The following ADAMTS17 variants were observed in gnomAD, a reference collection of about 807,000 sequenced individuals.
The protein encoded by ADAMTS17 is A disintegrin and metalloproteinase with thrombospondin motifs 17.
ADAMTS17 carries 113 observed loss-of-function variants against 141.5 expected under a neutral mutation model. The ratio of observed to expected loss-of-function variants is 0.80; its 90% confidence interval spans 0.69 to 0.93. The LOEUF (loss-of-function observed/expected upper bound fraction) is 0.93, where lower values mean the gene tolerates loss of function less well. ADAMTS17 is among the 40% of genes least tolerant of loss of function. The pLI is 0.00. For missense variants in ADAMTS17, 1,659 were observed against 1,517.9 expected (o/e 1.09, Z -1.54); for synonymous variants, 768 against 630.6 (o/e 1.22, Z -3.27).
At chr15:100,131,922 A>G in intron 12 of ADAMTS17, 85 bp downstream of exon 12, 1 of 1,599,844 alleles carries the variant, frequency 6.3e-7, no homozygotes, top group Non-Finnish European at 8.6e-7. Context: ...CGGGAGACAG[A>G]CCCTGCTTTG....
intron 18 of ADAMTS17, among the ~76,000 whole-genome samples, chr15:100,007,213 G>C (rs1188666637): frequency 1.3e-5 from 2 of 152,228 alleles, no homozygotes; most frequent in South Asian, 2.1e-4. Context: ...TCAGCATTCA[G>C]ACGGAGGGAG....
chr15:99,990,404 A>G (rs956606785), intron 20 of ADAMTS17, among the ~76,000 whole-genome samples: 3 of 152,298 alleles, frequency 2.0e-5, no homozygotes, highest in East Asian at 1.9e-4. Context: ...ACATCCTGGC[A>G]GCTCCATACT....
Position 99,972,427 on chromosome 15 carries a change from A to C in ADAMTS17, c.*1975T>G, listed in dbSNP as rs572877805. 1.3e-5 allele frequency: 2 copies of C among 152,154 alleles called. No homozygotes were observed. The highest frequency in any genetic ancestry group is 2.4e-5 in the African/African-American group (1 of 41,414). The allele number at this position is 152,154 out of a possible 1,614,324, so 9.4% of individuals were successfully genotyped here. Reference sequence around the variant, plus strand: ...GGAGGCCCCGGGGCCCATGCAGGAGACCAAGCTAAGGCTTCCTTAGTGAGC... The same window carrying C: ...GGAGGCCCCGGGGCCCATGCAGGAGCCCAAGCTAAGGCTTCCTTAGTGAGC... On this transcript the variant is annotated 3_prime_UTR_variant, in exon 22 of 22. Coordinates refer to ENST00000268070, the MANE Select transcript of ADAMTS17 (RefSeq NM_139057.4).
chr15:100,088,427 A>C (rs1303701080), intron 15 of ADAMTS17, among the ~76,000 whole-genome samples: 2 of 152,238 alleles, frequency 1.3e-5, no homozygotes, highest in African/African-American at 4.8e-5. Flanking sequence ...GGTAATTTAT[A>C]GATTCAATGA....
At chr15:100,021,634 G>A (rs2573685) in intron 18 of ADAMTS17, among the ~76,000 whole-genome samples, 16,519 of 152,174 alleles carry the variant, frequency 0.11, 2,380 homozygotes, top group African/African-American at 0.33. Context: ...TTACTCATTC[G>A]TTCAGTCCAC....
intron 3 of ADAMTS17, among the ~76,000 whole-genome samples, chr15:100,324,763 A>G (rs1327917503): frequency 1.3e-5 from 2 of 152,224 alleles, no homozygotes; most frequent in African/African-American, 4.8e-5. Flanking sequence ...TGGTCTCCTC[A>G]ATAGTCAAAA....
At chr15:100,277,724 G>A (rs986325661) in intron 4 of ADAMTS17, among the ~76,000 whole-genome samples, 25 of 152,236 alleles carry the variant, frequency 1.6e-4, no homozygotes, top group African/African-American at 6.0e-4. Flanking sequence ...ATCATCAAAA[G>A]TTAACACTGA....
At chr15:99,974,911 G>T (rs796539896) in intron 21 of ADAMTS17, among the ~76,000 whole-genome samples, 16 of 152,314 alleles carry the variant, frequency 1.1e-4, no homozygotes, top group African/African-American at 3.8e-4. Context: ...GGACAACATG[G>T]AACAGTGGAC....
chr15:100,040,205 G>A (rs545072908), intron 18 of ADAMTS17, among the ~76,000 whole-genome samples: 1 of 152,246 alleles, frequency 6.6e-6, no homozygotes, highest in African/African-American at 2.4e-5. Context: ...GTTTTGAGAC[G>A]CAGCCACCAA....
At chr15:100,308,407 T>C (rs7162007) in intron 3 of ADAMTS17, among the ~76,000 whole-genome samples, 2,821 of 152,282 alleles carry the variant, frequency 0.019, 100 homozygotes, top group African/African-American at 0.065. Context: ...GGGAACACCA[T>C]CGTTCACTCG....
At position 100,290,698 on chromosome 15, in the gene ADAMTS17, G is replaced by C. The variant is rs1447939633; in HGVS notation, c.617-9297C>G. 6.6e-5 allele frequency among the ~76,000 whole-genome samples: 10 copies of C among 152,206 alleles called. No homozygotes were observed. The South Asian group carries it at 1.7e-3, about 25-fold the overall frequency. On this transcript the variant is annotated intron_variant, in intron 3 of 21. Coordinates refer to ENST00000268070, the MANE Select transcript of ADAMTS17 (RefSeq NM_139057.4). ...ACAGAATAGAGAGCCCAGAAATAAA[G>C]CTGCACACCTACAACTACCTGATCT...
chr15:100,331,582 C>A (rs2046055494), intron 2 of ADAMTS17, among the ~76,000 whole-genome samples: 3 of 152,156 alleles, frequency 2.0e-5, no homozygotes, highest in Admixed American at 6.5e-5. Flanking sequence ...AATGGTAAAT[C>A]TCTCAAGGAA....
intron 8 of ADAMTS17, among the ~76,000 whole-genome samples, chr15:100,178,134 T>C (rs1373687062): frequency 6.6e-6 from 1 of 152,180 alleles, no homozygotes; most frequent in African/African-American, 2.4e-5. Flanking sequence ...CCAGTGTTTG[T>C]CTTTTAGCTG....
rs946266849 is a variant in ADAMTS17 at position 100,132,277 on chromosome 15, A to G, written c.1576-125T>C. On this transcript the variant is annotated intron_variant, in intron 11 of 21. Coordinates refer to ENST00000268070, the MANE Select transcript of ADAMTS17 (RefSeq NM_139057.4). The stretch of plus-strand genomic sequence containing the variant: ...CTAAATTTACATAAAGGTACAGTCT[A>G]TTTCAGGGTTTGCACGTTTGCTAAT... The G allele has an allele frequency of 1.2e-5, 16 of 1,336,540 alleles. No individual in the cohort carries two copies. The African/African-American group carries it at 1.9e-4, about 16-fold the overall frequency. 82.8% of individuals were successfully genotyped at this position (1,336,540 alleles called of 1,614,324 possible). A position where few individuals can be genotyped will look rare whatever the true frequency, so the allele number is the denominator to read the frequency against.
intron 1 of ADAMTS17, 58 bp downstream of exon 1, chr15:100,341,763 G>T (rs1360882122): frequency 1.3e-6 from 2 of 1,523,668 alleles, no homozygotes; most frequent in Non-Finnish European, 1.8e-6. Flanking sequence ...CCGCGAGAAC[G>T]CAGAGGGAAG....
At chr15:100,176,431 A>G (rs1170474707) in intron 8 of ADAMTS17, among the ~76,000 whole-genome samples, 1 of 152,222 alleles carries the variant, frequency 6.6e-6, no homozygotes, top group East Asian at 1.9e-4. Context: ...ATTGGTACGA[A>G]GTGTGACCCG....
chr15:100,234,206 G>A (rs1368199021), intron 7 of ADAMTS17, among the ~76,000 whole-genome samples: 2 of 152,188 alleles, frequency 1.3e-5, no homozygotes, highest in Non-Finnish European at 2.9e-5. Context: ...GATTAGAAGT[G>A]TGTATCGGGC....
At chr15:100,268,769 G>GA (rs1567460110) in intron 4 of ADAMTS17, among the ~76,000 whole-genome samples, 3 of 152,078 alleles carry the variant, frequency 2.0e-5, no homozygotes, top group African/African-American at 4.8e-5. Flanking sequence ...CACAGAATTA[G>GA]AAAAAACTAT....
intron 16 of ADAMTS17, among the ~76,000 whole-genome samples, chr15:100,052,644 T>C (rs74962761): frequency 6.6e-6 from 1 of 152,356 alleles, no homozygotes; most frequent in Non-Finnish European, 1.5e-5. Context: ...TTTTATGTTT[T>C]GCCTCCTCTC....
Sources: gnomAD v4.1 joint callset for allele counts (sites outside exome capture counted in the v4.1 genomes callset) on GRCh38, gnomAD v4.1.1 for gene constraint, MANE v1.5 for transcripts, NCBI Gene and HGNC (gene_info 2026-07-23, HGNC 2026-07-21) for gene names.